GPR158: variants seen among roughly 807,000 people sequenced by gnomAD.
The protein encoded by GPR158 is G protein-coupled receptor 158, also known as metabotropic glycine receptor.
GPR158 carries 30 observed loss-of-function variants against 78.2 expected under a neutral mutation model. That is an observed-to-expected ratio of 0.38 (90% confidence interval 0.29 to 0.52). The LOEUF is 0.52. Among genes scored for constraint, GPR158 ranks in the 20% least tolerant of loss-of-function variants. The pLI is 0.83. For synonymous variants in GPR158, 581 were observed against 591.1 expected (o/e 0.98, Z 0.25); for missense variants, 1,463 against 1,523.5 (o/e 0.96, Z 0.66).
intron 2 of GPR158, among the ~76,000 whole-genome samples, chr10:25,373,103 G>A (rs985502868): frequency 2.0e-5 from 3 of 151,890 alleles, no homozygotes; most frequent in Non-Finnish European, 2.9e-5. Context: ...TATGTGCTGT[G>A]GAATACTGTG....
chr10:25,175,267 C>G lies in GPR158; in HGVS notation c.-154C>G. On this transcript the variant is annotated 5_prime_UTR_variant, in exon 1 of 11. Coordinates refer to ENST00000376351, the MANE Select transcript of GPR158 (RefSeq NM_020752.3). The surrounding 1 kb of genome is among the most constrained non-coding windows in gnomAD (Gnocchi z 6.4). ...TAGCTTAGCCACCCGGGGCCAATCT[C>G]GAAACATTCTTATTTTCAAGTCCTT... 3.6e-6 allele frequency: 2 copies of G among 560,360 alleles called. No homozygotes were observed. Among genetic ancestry groups the G allele is most frequent in the South Asian group, 5.4e-5 (2 of 36,778 alleles). 34.7% of individuals were successfully genotyped at this position (560,360 alleles called of 1,614,324 possible). A position where few individuals can be genotyped will look rare whatever the true frequency, so the allele number is the denominator to read the frequency against.
In GPR158 at chr10:25,195,816, TCTAA is replaced by T. The variant is rs574659267; in HGVS notation, c.902+19497_902+19500del. 5.4e-4 allele frequency among the ~76,000 whole-genome samples: 82 copies of T among 152,332 alleles called. 1 individual carries two copies. Among genetic ancestry groups the T allele is most frequent in the African/African-American group, 5.0e-4 (21 of 41,586 alleles). On this transcript the variant is annotated intron_variant, in intron 1 of 10. Transcript: ENST00000376351. The stretch of plus-strand genomic sequence containing the variant: ...AGTCTTCCCGTGCCAGAAAATGTCT[TCTAA>T]CTGTTAGTCAGAATACAGAAGTATA...
At chr10:25,307,229 T>C (rs570616023) in intron 2 of GPR158, among the ~76,000 whole-genome samples, 1 of 152,112 alleles carries the variant, frequency 6.6e-6, no homozygotes, top group South Asian at 2.1e-4. Flanking sequence ...AGATAGTGTT[T>C]TTTTTTTGCA....
intron 2 of GPR158, among the ~76,000 whole-genome samples, chr10:25,293,069 A>C (rs1854462753): frequency 6.6e-6 from 1 of 152,214 alleles, no homozygotes. Flanking sequence ...ATTGTCTTCT[A>C]CTGTCCCTGA....
At chr10:25,439,658 C>T (rs181512249) in intron 4 of GPR158, among the ~76,000 whole-genome samples, 136 of 152,216 alleles carry the variant, frequency 8.9e-4, no homozygotes, top group African/African-American at 2.9e-3. Context: ...GTTCCTCAAA[C>T]GAGAGGTTAG....
chr10:25,489,642 A>C (rs559345678), intron 5 of GPR158, among the ~76,000 whole-genome samples: 3 of 152,016 alleles, frequency 2.0e-5, no homozygotes, highest in East Asian at 3.9e-4. Flanking sequence ...TAGCTTCTCA[A>C]TGTCCTCCAG....
chr10:25,227,923 G>A (rs1010627084), intron 2 of GPR158, among the ~76,000 whole-genome samples: 10 of 152,174 alleles, frequency 6.6e-5, no homozygotes, highest in Admixed American at 5.9e-4. Context: ...AAAAAGAATT[G>A]TGCTCAATGT....
chr10:25,363,298 C>G (rs575445821), intron 2 of GPR158, among the ~76,000 whole-genome samples: 1 of 151,858 alleles, frequency 6.6e-6, no homozygotes, highest in African/African-American at 2.4e-5. Context: ...CTGTTTTTAT[C>G]ATGGAGTATA....
intron 4 of GPR158, among the ~76,000 whole-genome samples, chr10:25,441,337 C>T (rs913049153): frequency 1.3e-5 from 2 of 152,148 alleles, no homozygotes; most frequent in Non-Finnish European, 2.9e-5. Context: ...CCAAGATAAC[C>T]AGTTTTCCTT....
intron 5 of GPR158, among the ~76,000 whole-genome samples, chr10:25,479,113 C>T (rs1017207610): frequency 5.3e-5 from 8 of 151,968 alleles, no homozygotes; most frequent in African/African-American, 1.9e-4. Context: ...CATACATGTG[C>T]ATGTGTCTTT....
At chr10:25,352,097 A>G (rs1252943009) in intron 2 of GPR158, among the ~76,000 whole-genome samples, 1 of 151,958 alleles carries the variant, frequency 6.6e-6, no homozygotes, top group African/African-American at 2.4e-5. Flanking sequence ...CAACCTCCCA[A>G]ACTAAAAGAT....
At chr10:25,426,232 A>G (rs1459438814) in intron 4 of GPR158, among the ~76,000 whole-genome samples, 1 of 152,162 alleles carries the variant, frequency 6.6e-6, no homozygotes, top group Admixed American at 6.5e-5. Context: ...TTGTGGCTGC[A>G]TTAATCTGCT....
intron 2 of GPR158, among the ~76,000 whole-genome samples, chr10:25,337,271 T>C (rs1855222201): frequency 1.3e-5 from 2 of 152,092 alleles, no homozygotes; most frequent in Non-Finnish European, 2.9e-5. Flanking sequence ...CAGATCAACA[T>C]AGAGAACATT....
intron 1 of GPR158, among the ~76,000 whole-genome samples, chr10:25,214,219 C>G (rs186578676): frequency 0.011 from 1,638 of 152,224 alleles, 19 homozygotes; most frequent in Non-Finnish European, 0.016. Flanking sequence ...CAGTGTTGAT[C>G]TCCTGACCTC....
At chr10:25,346,730 C>G (rs772316787) in intron 2 of GPR158, among the ~76,000 whole-genome samples, 4 of 151,824 alleles carry the variant, frequency 2.6e-5, no homozygotes, top group Non-Finnish European at 4.4e-5. Context: ...AAAACTTTTG[C>G]AAAAATGAAG....
intron 2 of GPR158, among the ~76,000 whole-genome samples, chr10:25,362,605 ATCT>A (rs1676712598): frequency 6.6e-6 from 1 of 151,820 alleles, no homozygotes; most frequent in African/African-American, 2.4e-5. Context: ...ATTTATCTGT[ATCT>A]TCTTTAATTT....
intron 2 of GPR158, among the ~76,000 whole-genome samples, chr10:25,277,139 T>C (rs1031804768): frequency 6.6e-6 from 1 of 151,888 alleles, no homozygotes; most frequent in South Asian, 2.1e-4. Context: ...TAAAAGAAAT[T>C]AGAGCCTTAC....
intron 2 of GPR158, among the ~76,000 whole-genome samples, chr10:25,293,833 C>T (rs1486924852): frequency 6.6e-6 from 1 of 151,860 alleles, no homozygotes; most frequent in Non-Finnish European, 1.5e-5. Context: ...GAAACCTCCG[C>T]CTCCTGGGTT....
At chr10:25,290,378 G>A (rs1157921913) in intron 2 of GPR158, among the ~76,000 whole-genome samples, 3 of 152,048 alleles carry the variant, frequency 2.0e-5, no homozygotes, top group South Asian at 2.1e-4. Context: ...AAAGTATCCC[G>A]AAAATCTGTT....
Sources: allele counts gnomAD v4.1 joint callset (sites outside exome capture counted in the v4.1 genomes callset), GRCh38; gene constraint gnomAD v4.1.1; non-coding constraint Gnocchi (gnomAD v3.1); transcripts MANE v1.5; gene names NCBI Gene and HGNC (gene_info 2026-07-23, HGNC 2026-07-21).